The following OLR1 variants were observed in gnomAD, a reference collection of about 807,000 sequenced individuals.
OLR1 encodes the protein oxidized low-density lipoprotein receptor 1.
OLR1 carries 23 observed loss-of-function variants against 31.7 expected under a neutral mutation model. The observed-to-expected ratio is 0.72, with a 90% CI of 0.52 to 1.03. The LOEUF is 1.03. OLR1 is among the 50% of genes least tolerant of loss of function. The pLI, the probability that OLR1 is intolerant of heterozygous loss-of-function variation, is 0.00. For synonymous variants in OLR1, 117 were observed against 115.8 expected (o/e 1.01, Z -0.07); for missense variants, 286 against 315.7 (o/e 0.91, Z 0.71).
At chr12:10,161,125 A>C (rs564346133) in intron 3 of OLR1, among the ~76,000 whole-genome samples, 200 bp from the exon 4 acceptor site, 1 of 152,180 alleles carries the variant, frequency 6.6e-6, no homozygotes, top group African/African-American at 2.4e-5. Flanking sequence ...TAGTCGTGAG[A>C]CACCGCGCCC....
rs1329953985 is a variant in OLR1 at position 10,160,367 on chromosome 12, A to G, written c.660T>C (p.Gly220=). ...CTTACAAGTGGGGCATCAAAGGAGA[A>G]CCGTCCTCCCAGAGCCATGGGTAGC... ...NPSYPWLWED[G]SPLMPHLFRV... is the part of the protein sequence containing the mutation. Residue 220 remains glycine, a synonymous_variant, in exon 5 of 6, where the codon GGT becomes GGC. Coordinates refer to ENST00000309539, the MANE Select transcript of OLR1 (RefSeq NM_002543.4). The G allele has an allele frequency of 6.2e-7, 1 of 1,613,508 alleles. No homozygotes were observed. Among genetic ancestry groups the G allele is most frequent in the East Asian group, 2.2e-5 (1 of 44,882 alleles).
At chr12:10,162,821 C>T (rs574293981) in intron 3 of OLR1, among the ~76,000 whole-genome samples, 1 of 152,254 alleles carries the variant, frequency 6.6e-6, no homozygotes, top group East Asian at 1.9e-4. Flanking sequence ...GAGGAAGACT[C>T]TGTCTCAAAA....
At position 10,159,672 on chromosome 12, in the gene OLR1, C is replaced by A; in HGVS notation, c.*208G>T. ...GGCTGGCAGGGAAGCTTGGGACAAG[C>A]TAGGTGAAATAATACAGGTAGCTAG... On this transcript the variant is annotated 3_prime_UTR_variant, in exon 6 of 6. Coordinates refer to ENST00000309539, the MANE Select transcript of OLR1 (RefSeq NM_002543.4). The A allele has an allele frequency of 2.3e-6, 1 of 439,400 alleles. No homozygotes were observed. Among genetic ancestry groups the A allele is most frequent in the Non-Finnish European group, 4.1e-6 (1 of 242,052 alleles). 27.2% of individuals were successfully genotyped at this position (439,400 alleles called of 1,614,324 possible). A position where few individuals can be genotyped will look rare whatever the true frequency, so the allele number is the denominator to read the frequency against.
At chr12:10,173,956 T>G (rs2137533536), upstream of OLR1, among the ~76,000 whole-genome samples, 1 of 152,268 alleles carries the variant, frequency 6.6e-6, no homozygotes, top group African/African-American at 2.4e-5. Flanking sequence ...TGTGCAGCCA[T>G]CACCACCATC....
rs778185706 is a variant in OLR1, at chr12:10,160,002, C to T, written c.700G>A (p.Val234Ile). 2 of 1,610,882 alleles carry T rather than the reference C, an allele frequency of 1.2e-6. No homozygotes were observed. Among genetic ancestry groups the T allele is most frequent in the African/African-American group, 1.3e-5 (1 of 74,872 alleles). Residue 234 changes from valine to isoleucine, a missense_variant, in exon 6 of 6, where the codon GTC becomes ATC. Val to Ile is a conservative substitution (Grantham distance 29). Coordinates refer to ENST00000309539, the MANE Select transcript of OLR1 (RefSeq NM_002543.4). ...MPHLFRVRGA[V>I]SQTYPSGTCA... is the part of the protein sequence containing the mutation. ...GTACCTGAAGGGTATGTCTGGGAGA[C>T]AGCGCCTCGGACTCTAAATCTGCAG...
In OLR1 at chr12:10,161,030, ATTTTTGTTTTTG is replaced by A. The variant is rs748871918; in HGVS notation, c.425-117_425-106del. ...TAGTTCTCTCACGTGCATACTATTT[ATTTTTGTTTTTG>A]TTTTTGTTTTTGTATTTTTAGTAGA... is the stretch of plus-strand genomic sequence containing the variant. On this transcript the variant is annotated intron_variant, in intron 3 of 5. Coordinates refer to ENST00000309539, the MANE Select transcript of OLR1 (RefSeq NM_002543.4). 156 of 1,203,078 alleles carry A rather than the reference ATTTTTGTTTTTG, an allele frequency of 1.3e-4. 1 individual carries two copies. Among genetic ancestry groups the A allele is most frequent in the Middle Eastern group, 1.0e-3 (5 of 4,858 alleles). 74.5% of individuals were successfully genotyped at this position (1,203,078 alleles called of 1,614,324 possible). A position where few individuals can be genotyped will look rare whatever the true frequency, so the allele number is the denominator to read the frequency against.
chr12:10,166,008 T>C (rs935101291), intron 3 of OLR1, among the ~76,000 whole-genome samples: 9 of 151,118 alleles, frequency 6.0e-5, no homozygotes, highest in African/African-American at 2.2e-4. Context: ...GTGAGGAGTT[T>C]GAGACCAGCC....
At chr12:10,174,539 C>A (rs1948752064), upstream of OLR1, among the ~76,000 whole-genome samples, 1 of 152,082 alleles carries the variant, frequency 6.6e-6, no homozygotes, top group Non-Finnish European at 1.5e-5. Context: ...AGAAAGAATC[C>A]CCCAGCTGTC....
At chr12:10,160,179 G>A (rs897871929) in intron 5 of OLR1, among the ~76,000 whole-genome samples, 158 bp from the exon 6 acceptor site, 8 of 152,190 alleles carry the variant, frequency 5.3e-5, no homozygotes, top group South Asian at 2.1e-4. Flanking sequence ...TGGTTAATGA[G>A]TAAATCTTTT....
At chr12:10,165,071 T>C (rs1303897765) in intron 3 of OLR1, among the ~76,000 whole-genome samples, 2 of 152,266 alleles carry the variant, frequency 1.3e-5, no homozygotes, top group East Asian at 3.9e-4. Flanking sequence ...AAAACCAGCC[T>C]GGCCAACTTG....
intron 1 of OLR1, among the ~76,000 whole-genome samples, chr12:10,171,016 C>T (rs897178009): frequency 2.0e-5 from 3 of 152,108 alleles, no homozygotes; most frequent in African/African-American, 7.2e-5. Context: ...AAATCAATCT[C>T]ATGATTATTG....
At position 10,169,059 on chromosome 12, in the gene OLR1, T is replaced by C. The variant is rs750530971; in HGVS notation, c.178+15A>G. The C allele has an allele frequency of 2.5e-6, 4 of 1,578,562 alleles. No homozygotes were observed. The highest frequency in any genetic ancestry group is 3.5e-6 in the Non-Finnish European group (4 of 1,158,858). ...CCTGCCCCAATAAACATCAGTTCCG[T>C]ATTTTAGCACTTACATTGCATGCCC... is the stretch of plus-strand genomic sequence containing the variant. On this transcript the variant is annotated intron_variant, in intron 2 of 5. Coordinates refer to ENST00000309539, the MANE Select transcript of OLR1 (RefSeq NM_002543.4).
intron 2 of OLR1, among the ~76,000 whole-genome samples, chr12:10,167,954 G>T (rs896433308): frequency 1.3e-5 from 2 of 152,128 alleles, no homozygotes; most frequent in African/African-American, 4.8e-5. Context: ...ATGATCAAAG[G>T]CTCAAAAGAT....
chr12:10,172,155 A>G, upstream of OLR1: 1 of 947,022 alleles, frequency 1.1e-6, no homozygotes, highest in Non-Finnish European at 1.7e-6. Flanking sequence ...GCTTCTGCAG[A>G]AGTATTTAAA....
At position 10,166,724 on chromosome 12, in the gene OLR1, C is replaced by T. The variant is rs766952879; in HGVS notation, c.412G>A (p.Ala138Thr). The stretch of plus-strand genomic sequence containing the variant: ...CTTCTCCCAATACCTGAACAATTTG[C>T]TACTCTCTTCAGTGTTTCTTGGAGA... The part of the protein sequence containing the change: ...LNLQETLKRV[A>T]NCSAPCPQDW... Residue 138 changes from alanine (A) to threonine (T), a missense_variant, in exon 3 of 6, where the codon GCA (alanine) becomes ACA (threonine). By Grantham distance (58) the Ala-to-Thr change is moderately conservative. Coordinates refer to ENST00000309539, the MANE Select transcript of OLR1 (RefSeq NM_002543.4). 6 of 1,614,034 alleles carry T rather than the reference C, an allele frequency of 3.7e-6. No individual in the cohort carries two copies. The South Asian group carries it at 6.6e-5, about 18-fold the overall frequency.
intron 3 of OLR1, among the ~76,000 whole-genome samples, chr12:10,165,328 T>C (rs1306292501): frequency 7.3e-6 from 1 of 136,762 alleles, no homozygotes; most frequent in East Asian, 2.1e-4. Context: ...TACTTGGGAG[T>C]CTGAGACATG....
chr12:10,167,187 C>G (rs1486244782), intron 2 of OLR1: 2 of 421,524 alleles, frequency 4.7e-6, no homozygotes, highest in Non-Finnish European at 8.5e-6. Context: ...TAAAAATTAC[C>G]AAGATTTTGG....
chr12:10,166,503 G>C (rs1427476004), intron 3 of OLR1, among the ~76,000 whole-genome samples: 5 of 150,912 alleles, frequency 3.3e-5, no homozygotes, highest in Non-Finnish European at 4.4e-5. Flanking sequence ...ACTCCAGCCT[G>C]GGCAAAAGAG....
chr12:10,160,830 A>G lies in OLR1; in HGVS notation c.520T>C (p.Ser174Pro). The change falls in exon 4 of 6, where the codon TCT becomes CCT. Residue 174 changes from serine to proline, a missense_variant. Coordinates refer to ENST00000309539, the MANE Select transcript of OLR1 (RefSeq NM_002543.4). The stretch of plus-strand genomic sequence containing the variant: ...ATTTTCAGCAACTTGGCATCCAAAG[A>G]CAAGCACTTCTCTTGGCTCTTTTCC... ...NWEKSQEKCL[S>P]LDAKLLKINS... 6.2e-7 allele frequency: 1 copy of G among 1,614,216 alleles called. No homozygotes were observed. The highest frequency in any genetic ancestry group is 8.5e-7 in the Non-Finnish European group (1 of 1,180,030).
Sources: gnomAD v4.1 joint callset for allele counts (sites outside exome capture counted in the v4.1 genomes callset) on GRCh38, gnomAD v4.1.1 for gene constraint, MANE v1.5 for transcripts, NCBI Gene and HGNC (gene_info 2026-07-23, HGNC 2026-07-21) for gene names.